PCDHGA1: variants seen among roughly 807,000 people sequenced by gnomAD.
PCDHGA1 encodes the protein protocadherin gamma subfamily A, 1.
PCDHGA1 carries 32 observed loss-of-function variants against 58.0 expected under a neutral mutation model. The observed-to-expected ratio is 0.55, with a 90% CI of 0.42 to 0.74. The LOEUF (loss-of-function observed/expected upper bound fraction) is 0.74, where lower values mean the gene tolerates loss of function less well. PCDHGA1 is among the 30% of genes least tolerant of loss of function. The pLI, the probability that PCDHGA1 is intolerant of heterozygous loss-of-function variation, is 0.00. For missense variants in PCDHGA1, 1,205 were observed against 1,182.3 expected (o/e 1.02, Z -0.28); for synonymous variants, 498 against 501.1 (o/e 0.99, Z 0.08).
chr5:141,456,800 TA>T (rs1038857337), intron 1 of PCDHGA1, among the ~76,000 whole-genome samples: 2 of 151,846 alleles, frequency 1.3e-5, no homozygotes, highest in African/African-American at 4.8e-5. Flanking sequence ...CCATCTCTAC[TA>T]AAAATACAAA....
intron 1 of PCDHGA1, chr5:141,424,576 C>CA (rs2096829154): frequency 6.6e-6 from 1 of 152,132 alleles, no homozygotes; most frequent in African/African-American, 2.4e-5. Context: ...AACCTATTTT[C>CA]AAATGTGCTA....
intron 1 of PCDHGA1, among the ~76,000 whole-genome samples, chr5:141,434,448 G>A (rs2097694852): frequency 6.6e-6 from 1 of 152,210 alleles, no homozygotes; most frequent in Non-Finnish European, 1.5e-5. Context: ...CATGCTGGAA[G>A]GTAGTGGGTT....
At chr5:141,353,218 G>A (rs1759220023) in intron 1 of PCDHGA1, among the ~76,000 whole-genome samples, 1 of 152,116 alleles carries the variant, frequency 6.6e-6, no homozygotes, top group African/African-American at 2.4e-5. Flanking sequence ...TTTCCTAGAT[G>A]TTAACACTTA....
Position 141,485,087 on chromosome 5 carries a change from T to G in PCDHGA1, c.2422-9720T>G. The G allele has an allele frequency of 2.0e-6, 2 of 1,000,176 alleles. No homozygotes were observed. The highest frequency in any genetic ancestry group is 1.5e-6 in the Non-Finnish European group (1 of 651,808). 62.0% of individuals were successfully genotyped at this position (1,000,176 alleles called of 1,614,324 possible). A position where few individuals can be genotyped will look rare whatever the true frequency, so the allele number is the denominator to read the frequency against. The stretch of plus-strand genomic sequence containing the variant: ...CAGAGCTGGCGCGGGGAAAGGGAGA[T>G]AGGTGTCTCCAGCTGCTGTGGCTGT... On this transcript the variant is annotated intron_variant, in intron 1 of 3. Transcript: ENST00000517417. This position sits in a 1 kb window ranked among gnomAD's most constrained non-coding sequence, Gnocchi z 5.7.
rs1297899765 is a variant in PCDHGA1, at chr5:141,431,815, C to T, written c.2422-62992C>T. ...CCCCAGAAGTGGTCCTCACCTCTCTCGCCAGCTCGGTTCCCGAAAACTCTC... is the reference window on the plus strand; with the variant it reads ...CCCCAGAAGTGGTCCTCACCTCTCTTGCCAGCTCGGTTCCCGAAAACTCTC... On this transcript the variant is annotated intron_variant, in intron 1 of 3. Transcript: ENST00000517417. The surrounding 1 kb of genome is among the most constrained non-coding windows in gnomAD (Gnocchi z 4.8). 5 of 1,614,124 alleles carry T rather than the reference C, an allele frequency of 3.1e-6. No homozygotes were observed. The Admixed American group carries it at 5.0e-5, about 16-fold the overall frequency.
intron 1 of PCDHGA1, chr5:141,339,464 A>G: frequency 6.2e-7 from 1 of 1,614,206 alleles, no homozygotes; most frequent in Non-Finnish European, 8.5e-7. Flanking sequence ...CGTAGGTGAG[A>G]ACGCCCTTCA....
intron 1 of PCDHGA1, chr5:141,416,489 G>A (rs2096031582): frequency 1.3e-5 from 2 of 152,158 alleles, no homozygotes; most frequent in Admixed American, 1.3e-4. Context: ...GAGAACAGGA[G>A]CAAGAGATAT....
chr5:141,359,769 G>A (rs1015704622), intron 1 of PCDHGA1, among the ~76,000 whole-genome samples: 1 of 152,134 alleles, frequency 6.6e-6, no homozygotes, highest in Non-Finnish European at 1.5e-5. Flanking sequence ...AGAGATGAAA[G>A]GAAGAACCTA....
At chr5:141,338,223 G>C (rs1431278191) in intron 1 of PCDHGA1, among the ~76,000 whole-genome samples, 1 of 152,032 alleles carries the variant, frequency 6.6e-6, no homozygotes, top group African/African-American at 2.4e-5. Context: ...TTGAGACCAG[G>C]GCCTGTGTTT....
At chr5:141,382,541 T>G (rs1388934219) in intron 1 of PCDHGA1, among the ~76,000 whole-genome samples, 2 of 152,224 alleles carry the variant, frequency 1.3e-5, no homozygotes, top group African/African-American at 4.8e-5. Context: ...GATTTTTAAT[T>G]ATCAGGGATA....
At chr5:141,425,296 T>A (rs1283179158) in intron 1 of PCDHGA1, among the ~76,000 whole-genome samples, 1 of 152,194 alleles carries the variant, frequency 6.6e-6, no homozygotes, top group Non-Finnish European at 1.5e-5. Flanking sequence ...TAAAACCTCA[T>A]CTAAACTAAC....
chr5:141,331,994 A>G lies in PCDHGA1; in HGVS notation c.1310A>G (p.His437Arg). ...ACTCCAGCTCTATCTACTGAAACTC[A>G]CATTTCACTACTAGTGACAGATATC... ...QGTPALSTETHISLLVTDIND... is the reference protein window; with the variant it reads ...QGTPALSTETRISLLVTDIND... The change falls in exon 1 of 4, where the codon CAC becomes CGC. Residue 437 changes from histidine to arginine, a missense_variant. Physicochemically the swap from His to Arg is conservative, Grantham distance 29. Coordinates refer to ENST00000517417, the MANE Select transcript of PCDHGA1 (RefSeq NM_018912.3). The G allele has an allele frequency of 6.2e-7, 1 of 1,613,720 alleles. No individual in the cohort carries two copies. The highest frequency in any genetic ancestry group is 8.5e-7 in the Non-Finnish European group (1 of 1,179,678).
chr5:141,405,041 G>A (rs1276032851), intron 1 of PCDHGA1: 1 of 1,613,976 alleles, frequency 6.2e-7, no homozygotes, highest in Non-Finnish European at 8.5e-7. Flanking sequence ...CGTTGTGGCT[G>A]TGGCAGTCGT....
intron 1 of PCDHGA1, among the ~76,000 whole-genome samples, chr5:141,387,085 C>T (rs1242993034): frequency 6.6e-6 from 1 of 152,168 alleles, no homozygotes; most frequent in African/African-American, 2.4e-5. Flanking sequence ...TGCCTGTGAT[C>T]ATCGAAATGA....
rs2091100634 is a variant in PCDHGA1 at position 141,387,811 on chromosome 5, A to C, written c.2421+54706A>C. 4 of 1,528,618 alleles carry C rather than the reference A, an allele frequency of 2.6e-6. No individual in the cohort carries two copies. The South Asian group carries it at 5.1e-5, about 19-fold the overall frequency. 94.7% of individuals were successfully genotyped at this position (1,528,618 alleles called of 1,614,324 possible). ...CAACTAAAGTCCGTTCGGAGATCCA[A>C]AAATCTGCAATACAGAGGTTATTTG... On this transcript the variant is annotated intron_variant, in intron 1 of 3. Transcript: ENST00000517417.
intron 1 of PCDHGA1, chr5:141,367,582 AG>A (rs1765244187): frequency 6.6e-6 from 1 of 150,954 alleles, no homozygotes; most frequent in Non-Finnish European, 1.5e-5. Flanking sequence ...ATATCAGAAA[AG>A]TAGATAAAAT....
intron 1 of PCDHGA1, among the ~76,000 whole-genome samples, chr5:141,338,046 T>C (rs1321347357): frequency 6.6e-6 from 1 of 152,220 alleles, no homozygotes; most frequent in Non-Finnish European, 1.5e-5. Flanking sequence ...TTTTTATGAT[T>C]CAGCTTCAAT....
At chr5:141,351,079 G>T in intron 1 of PCDHGA1, 1 of 1,614,028 alleles carries the variant, frequency 6.2e-7, no homozygotes, top group Non-Finnish European at 8.5e-7. Context: ...TTAATGCAGA[G>T]ATCACCTATG....
chr5:141,478,434 T>C (rs747890986), intron 1 of PCDHGA1: 2 of 1,613,700 alleles, frequency 1.2e-6, no homozygotes, highest in East Asian at 2.2e-5. Flanking sequence ...GACCCGCTGC[T>C]GAAGAAACCT....
Sources: allele counts gnomAD v4.1 joint callset (sites outside exome capture counted in the v4.1 genomes callset), GRCh38; gene constraint gnomAD v4.1.1; non-coding constraint Gnocchi (gnomAD v3.1); transcripts MANE v1.5; gene names NCBI Gene and HGNC (gene_info 2026-07-23, HGNC 2026-07-21).